Variants in GALNT8 observed in about 807,000 individuals in gnomAD.
The protein encoded by GALNT8 is polypeptide N-acetylgalactosaminyltransferase 8.
GALNT8 carries 66 observed loss-of-function variants against 62.7 expected under a neutral mutation model. That is an observed-to-expected ratio of 1.05 (90% CI 0.86 to 1.29). GALNT8 has a LOEUF of 1.29. GALNT8 is among the 50% of genes most tolerant of loss of function. The pLI is 0.00. For missense variants in GALNT8, 771 were observed against 791.8 expected (o/e 0.97, Z 0.32); for synonymous variants, 288 against 294.3 (o/e 0.98, Z 0.22).
At chr12:4,722,091 A>G (rs113287689) in intron 1 of GALNT8, among the ~76,000 whole-genome samples, 1 of 152,220 alleles carries the variant, frequency 6.6e-6, no homozygotes, top group Admixed American at 6.5e-5. Context: ...GATTAACAGC[A>G]TCTCAAGGCA....
intron 6 of GALNT8, among the ~76,000 whole-genome samples, chr12:4,756,491 G>A (rs995198081): frequency 6.6e-6 from 1 of 152,284 alleles, no homozygotes; most frequent in Admixed American, 6.5e-5. Flanking sequence ...TGTCAGGGTG[G>A]CATTGTAACA....
Position 4,720,700 on chromosome 12 carries a change from C to T in GALNT8, c.23C>T (p.Pro8Leu), listed in dbSNP as rs766309626. The T allele has an allele frequency of 1.9e-6, 3 of 1,612,768 alleles. No homozygotes were observed. The highest frequency in any genetic ancestry group is 2.5e-6 in the Non-Finnish European group (3 of 1,178,840). The part of the protein sequence containing the change: MMFWRKL[P>L]KALFIGLTLA... The stretch of plus-strand genomic sequence containing the variant: ...AAGATGATGTTTTGGAGGAAACTCC[C>T]CAAAGCCCTCTTCATTGGGCTGACT... Residue 8 changes from proline to leucine, a missense_variant, in exon 1 of 11, where the codon CCC becomes CTC. Transcript: ENST00000252318.
chr12:4,767,388 G>A (rs945571101), intron 10 of GALNT8, among the ~76,000 whole-genome samples: 2 of 152,204 alleles, frequency 1.3e-5, no homozygotes, highest in African/African-American at 2.4e-5. Context: ...ACAAATGGTT[G>A]CAGAGCAAAT....
chr12:4,731,223 G>A (rs1946220833), intron 2 of GALNT8, among the ~76,000 whole-genome samples: 2 of 152,156 alleles, frequency 1.3e-5, no homozygotes, highest in African/African-American at 4.8e-5. Context: ...CACCTCCTTG[G>A]TTAAATGTAT....
chr12:4,757,240 A>C (rs1946349481), intron 6 of GALNT8, among the ~76,000 whole-genome samples: 1 of 152,248 alleles, frequency 6.6e-6, no homozygotes, highest in Non-Finnish European at 1.5e-5. Flanking sequence ...AGACAAATGC[A>C]GTGGTCTGAT....
At chr12:4,725,285 A>G (rs1432960605) in intron 1 of GALNT8, among the ~76,000 whole-genome samples, 7 of 152,178 alleles carry the variant, frequency 4.6e-5, no homozygotes, top group Non-Finnish European at 1.5e-5. Context: ...CTCCAGCACA[A>G]ATCTTACTGG....
At chr12:4,762,022 T>C (rs779692438) in intron 7 of GALNT8, among the ~76,000 whole-genome samples, 4 of 152,140 alleles carry the variant, frequency 2.6e-5, no homozygotes, top group Admixed American at 6.5e-5. Context: ...GGTCTGGAGA[T>C]TGTAAAAATG....
Position 4,726,647 on chromosome 12 carries a change from A to G in GALNT8, c.327A>G (p.Thr109=), listed in dbSNP as rs35478697. The G allele has an allele frequency of 6.2e-3, 10,067 of 1,613,848 alleles. 535 individuals carry two copies. The African/African-American group carries it at 0.12, about 19-fold the overall frequency. Residue 109 remains threonine, a synonymous_variant, in exon 2 of 11, where the codon ACA becomes ACG. Transcript: ENST00000252318. The surrounding 1 kb of genome is among the most constrained non-coding windows in gnomAD (Gnocchi z 4.1). ...LKAMETKVNE[T]KKHKTQMKLF... Reference sequence around the variant, plus strand: ...CAATGGAAACCAAGGTGAATGAGACAAAGAAGCACAAAACCCAAATGAAAC... The same window carrying G: ...CAATGGAAACCAAGGTGAATGAGACGAAGAAGCACAAAACCCAAATGAAAC...
At chr12:4,722,073 C>T (rs1009282611) in intron 1 of GALNT8, among the ~76,000 whole-genome samples, 14 of 152,126 alleles carry the variant, frequency 9.2e-5, no homozygotes, top group Non-Finnish European at 1.3e-4. Context: ...GTTGGGGGTA[C>T]GGTTACAGAT....
chr12:4,741,737 C>T (rs1946273117), intron 3 of GALNT8, among the ~76,000 whole-genome samples: 1 of 152,150 alleles, frequency 6.6e-6, no homozygotes, highest in Non-Finnish European at 1.5e-5. Context: ...CCAAAGCTTT[C>T]TTATTGCTCT....
Position 4,735,838 on chromosome 12 carries a change from C to T in GALNT8, c.510-3325C>T, listed in dbSNP as rs556403400. 3.3e-5 allele frequency among the ~76,000 whole-genome samples: 5 copies of T among 152,264 alleles called. No individual in the cohort carries two copies. The South Asian group carries it at 1.0e-3, about 32-fold the overall frequency. ...CACCTCCAGCTTCTGTGCAGTGGTG[C>T]AGAAGTTCTGTTCGGAGGAAAGGCA... On this transcript the variant is annotated intron_variant, in intron 2 of 10. Transcript: ENST00000252318.
intron 6 of GALNT8, among the ~76,000 whole-genome samples, chr12:4,753,091 C>T (rs908396283): frequency 2.0e-5 from 3 of 152,146 alleles, no homozygotes; most frequent in African/African-American, 7.2e-5. Context: ...TTTTAGCATC[C>T]TTTCTTTATC....
At chr12:4,751,994 A>G (rs1402573000) in intron 6 of GALNT8, among the ~76,000 whole-genome samples, 1 of 152,066 alleles carries the variant, frequency 6.6e-6, no homozygotes, top group East Asian at 1.9e-4. Flanking sequence ...CCCCTTTTTT[A>G]TTATATAGTG....
chr12:4,747,730 C>A (rs1225039559), intron 6 of GALNT8, among the ~76,000 whole-genome samples: 1 of 152,110 alleles, frequency 6.6e-6, no homozygotes, highest in Non-Finnish European at 1.5e-5. Flanking sequence ...TGGGTATATA[C>A]CCAGCAGTGG....
intron 4 of GALNT8, among the ~76,000 whole-genome samples, chr12:4,745,166 T>A (rs1459832943): frequency 6.6e-6 from 1 of 152,206 alleles, no homozygotes. Context: ...ATACTGAGAA[T>A]GCTGCTTCAC....
chr12:4,771,789 G>A (rs1238729788), intron 10 of GALNT8, among the ~76,000 whole-genome samples: 2 of 152,132 alleles, frequency 1.3e-5, no homozygotes, highest in Non-Finnish European at 2.9e-5. Context: ...TGGACAGATG[G>A]CAGGAGTGTC....
chr12:4,751,211 G>A (rs1946321092), intron 6 of GALNT8, among the ~76,000 whole-genome samples: 1 of 152,096 alleles, frequency 6.6e-6, no homozygotes, highest in Non-Finnish European at 1.5e-5. Context: ...CAGGACATAG[G>A]GACAGGCAAA....
At chr12:4,734,467 G>T (rs1400511913) in intron 2 of GALNT8, among the ~76,000 whole-genome samples, 1 of 152,100 alleles carries the variant, frequency 6.6e-6, no homozygotes, top group African/African-American at 2.4e-5. Context: ...TTGTGGTCTA[G>T]TATTGCCCCT....
chr12:4,757,524 C>A (rs2137539106), intron 6 of GALNT8, among the ~76,000 whole-genome samples: 1 of 152,214 alleles, frequency 6.6e-6, no homozygotes, highest in Non-Finnish European at 1.5e-5. Flanking sequence ...TTTGGTGGTC[C>A]TGCCACACTC....
Sources: allele counts gnomAD v4.1 joint callset (sites outside exome capture counted in the v4.1 genomes callset), GRCh38; gene constraint gnomAD v4.1.1; non-coding constraint Gnocchi (gnomAD v3.1); transcripts MANE v1.5; gene names NCBI Gene and HGNC (gene_info 2026-07-23, HGNC 2026-07-21).